The following PAK4 variants were observed in gnomAD, a reference collection of about 807,000 sequenced individuals.
PAK4 encodes p21 (RAC1) activated kinase 4, also known as serine/threonine-protein kinase PAK 4.
Under a neutral mutation model 53.5 loss-of-function variants are expected in PAK4, and 49 were observed. The observed-to-expected ratio is 0.92, with a 90% CI of 0.73 to 1.16. The LOEUF is 1.16. PAK4 is among the 50% of genes most tolerant of loss of function. The pLI, the probability that PAK4 is intolerant of heterozygous loss-of-function variation, is 0.00. For missense variants in PAK4, 824 were observed against 850.7 expected, an observed-to-expected ratio of 0.97 and a Z score of 0.39; for synonymous variants, 376 against 375.6, an observed-to-expected ratio of 1.00 and a Z score of -0.01.
chr19:39,149,947 CTGT>C (rs926487856), intron 1 of PAK4, among the ~76,000 whole-genome samples: 3 of 152,014 alleles, frequency 2.0e-5, no homozygotes, highest in African/African-American at 7.3e-5. Flanking sequence ...GAACAAGGAG[CTGT>C]TGTTTATTGG....
intron 4 of PAK4, 36 bp downstream of exon 5, chr19:39,174,046 TCC>T: frequency 1.5e-6 from 2 of 1,314,704 alleles, no homozygotes; most frequent in Non-Finnish European, 1.0e-6. Context: ...CTGCTGGTCC[TCC>T]CACCCCTCCC....
At chr19:39,133,659 G>A (rs529010775) in intron 1 of PAK4, among the ~76,000 whole-genome samples, 2 of 152,166 alleles carry the variant, frequency 1.3e-5, no homozygotes, top group East Asian at 1.9e-4. Context: ...AGGAGCTTTC[G>A]AGCAGACACC....
chr19:39,132,268 C>G (rs1465950681), intron 1 of PAK4, among the ~76,000 whole-genome samples: 1 of 152,242 alleles, frequency 6.6e-6, no homozygotes, highest in African/African-American at 2.4e-5. Flanking sequence ...TAAATAATCA[C>G]TGAAAAACTG....
At position 39,173,170 on chromosome 19, in the gene PAK4, C is replaced by T. The variant is rs554223370; in HGVS notation, c.457C>T (p.Arg153Trp). The T allele has an allele frequency of 7.3e-5, 112 of 1,539,772 alleles. 1 individual carries two copies. Among genetic ancestry groups the T allele is most frequent in the Middle Eastern group, 3.6e-4 (2 of 5,568 alleles). The change falls in exon 3 of 9, where the codon CGG becomes TGG. Residue 153 changes from arginine to tryptophan, a missense_variant. Around this residue, in one of 2 missense-constraint regions of PAK4, gnomAD observed 478 missense variants for 435.8 expected, o/e 1.10. Transcript: ENST00000358301. The surrounding 1 kb of genome is among the most constrained non-coding windows in gnomAD (Gnocchi z 6.9). The stretch of plus-strand genomic sequence containing the variant: ...GGGTGGCGGCAGTGGTGACAGGCGA[C>T]GGGCGGGGCCAGAGAAGAGGCCCAA...
chr19:39,169,340 G>A (rs111356850), intron 1 of PAK4, among the ~76,000 whole-genome samples, 192 bp from the exon 3 acceptor site: 4,037 of 152,138 alleles, frequency 0.027, 113 homozygotes, highest in African/African-American at 0.068. Flanking sequence ...GTGACCGCTC[G>A]GGTGCTCACG....
At chr19:39,149,652 C>T (rs918855107) in intron 1 of PAK4, among the ~76,000 whole-genome samples, 7 of 152,062 alleles carry the variant, frequency 4.6e-5, no homozygotes, top group Non-Finnish European at 7.4e-5. Context: ...GTCAGGAGAT[C>T]GAGACCATCC....
intron 1 of PAK4, among the ~76,000 whole-genome samples, chr19:39,144,117 TAGACAGAC>T (rs1221421663): frequency 0.011 from 1,417 of 124,318 alleles, 17 homozygotes; most frequent in African/African-American, 0.022. Flanking sequence ...GATAGATAGA[TAGACAGAC>T]AGACAGACAG....
At chr19:39,146,843 G>C (rs948597785) in intron 1 of PAK4, among the ~76,000 whole-genome samples, 3 of 148,850 alleles carry the variant, frequency 2.0e-5, no homozygotes. Context: ...TGTTGCAAAA[G>C]AAAGAGAGAA....
intron 1 of PAK4, among the ~76,000 whole-genome samples, chr19:39,155,707 C>G (rs777425244): frequency 9.9e-5 from 15 of 152,150 alleles, no homozygotes; most frequent in Non-Finnish European, 1.5e-4. Flanking sequence ...CTTGGAGCAG[C>G]TGGTTAAGGG....
At chr19:39,166,075 C>G (rs1488512665) in intron 1 of PAK4, among the ~76,000 whole-genome samples, 1 of 152,240 alleles carries the variant, frequency 6.6e-6, no homozygotes. Context: ...TGAGCACTTA[C>G]TGTGTGTGTG....
rs527283110 is a variant in PAK4 at position 39,178,949 on chromosome 19, T to C, written c.*370T>C. 12 of 180,272 alleles carry C rather than the reference T, an allele frequency of 6.7e-5. No homozygotes were observed. The South Asian group carries it at 1.2e-3, about 18-fold the overall frequency. 11.2% of individuals were successfully genotyped at this position (180,272 alleles called of 1,614,324 possible). ...GAACATGTATGAGTGTGTGCACGCG[T>C]GTGAGTGTGCATGTGTGTGTGTGCA... is the stretch of plus-strand genomic sequence containing the variant. On this transcript the variant is annotated 3_prime_UTR_variant, in exon 9 of 9. Coordinates refer to ENST00000358301, the Ensembl canonical transcript of PAK4. The surrounding 1 kb of genome is among the most constrained non-coding windows in gnomAD (Gnocchi z 4.4).
chr19:39,157,203 TGTGTG>T (rs71989040), intron 1 of PAK4, among the ~76,000 whole-genome samples: 4,776 of 151,156 alleles, frequency 0.032, 115 homozygotes, highest in Non-Finnish European at 0.047. Context: ...TTGCCTACTG[TGTGTG>T]GTTTTGGGGT....
At chr19:39,163,204 T>C (rs2144780949) in intron 1 of PAK4, among the ~76,000 whole-genome samples, 1 of 152,018 alleles carries the variant, frequency 6.6e-6, no homozygotes, top group South Asian at 2.1e-4. Context: ...GACCCAATGG[T>C]GGAAGGCTGA....
chr19:39,156,745 G>A (rs988117205), intron 1 of PAK4: 7 of 152,244 alleles, frequency 4.6e-5, no homozygotes, highest in Non-Finnish European at 8.8e-5. Flanking sequence ...CATGTTGAGG[G>A]CCTGGGGAGC....
In PAK4 at chr19:39,175,426, C is replaced by T; in HGVS notation, c.1347C>T (p.Thr449=). The change falls in exon 6 of 9, where the codon ACC becomes ACT. Residue 449 remains threonine, a synonymous_variant. Coordinates refer to ENST00000358301, the Ensembl canonical transcript of PAK4. The surrounding 1 kb of genome is among the most constrained non-coding windows in gnomAD (Gnocchi z 4.7). ...TCAAGAGCGACTCGATCCTGCTGAC[C>T]CATGATGGCAGGGTGAGGGGACGGG... 6.2e-7 allele frequency: 1 copy of T among 1,611,426 alleles called. No individual in the cohort carries two copies. The highest frequency in any genetic ancestry group is 8.5e-7 in the Non-Finnish European group (1 of 1,179,216).
intron 1 of PAK4, chr19:39,135,052 T>G (rs2073785046): frequency 6.6e-6 from 1 of 152,242 alleles, no homozygotes; most frequent in South Asian, 2.1e-4. Context: ...AGCTTCAGAT[T>G]TAGTGGGCGC....
intron 2 of PAK4, among the ~76,000 whole-genome samples, chr19:39,172,168 T>C (rs1420423864): frequency 7.4e-6 from 1 of 134,790 alleles, no homozygotes; most frequent in Admixed American, 8.4e-5. Flanking sequence ...ACAGGGACCC[T>C]GAGAGCTGAT....
At chr19:39,176,750 GACAGCGT>G in intron 7 of PAK4, 35 bp downstream of exon 8, 9 of 1,600,618 alleles carry the variant, frequency 5.6e-6, no homozygotes, top group Non-Finnish European at 7.6e-6. Flanking sequence ...TCCCGCCGTG[GACAGCGT>G]ACGCTGCCAT....
intron 2 of PAK4, among the ~76,000 whole-genome samples, chr19:39,170,359 GT>G (rs886715885): frequency 2.6e-4 from 38 of 148,740 alleles, no homozygotes; most frequent in Middle Eastern, 3.5e-3. Context: ...TTGGTTTTGG[GT>G]TTTTTTTTTT....
Sources: allele counts gnomAD v4.1 joint callset (sites outside exome capture counted in the v4.1 genomes callset), GRCh38; gene constraint gnomAD v4.1.1; regional missense constraint gnomAD v4.1.1; non-coding constraint Gnocchi (gnomAD v3.1); transcripts MANE v1.5; gene names NCBI Gene and HGNC (gene_info 2026-07-23, HGNC 2026-07-21).